The following GLRX5 variants were observed in gnomAD, a reference collection of about 807,000 sequenced individuals.
The protein encoded by GLRX5 is glutaredoxin-related protein 5, mitochondrial.
A neutral mutation model predicts 13.8 loss-of-function variants in GLRX5; 10 were observed. The observed-to-expected ratio is 0.72, with a 90% CI of 0.45 to 1.23. The LOEUF is 1.23. Ranked by LOEUF, GLRX5 falls within the 50% of genes most tolerant of loss-of-function variation. The pLI is 0.00. For missense variants in GLRX5, 233 were observed against 215.2 expected (o/e 1.08, Z -0.52); for synonymous variants, 98 against 101.1 (o/e 0.97, Z 0.18).
In GLRX5 at chr14:95,544,280, G is replaced by A. The variant is rs1244473874; in HGVS notation, c.*155G>A. 2.5e-5 allele frequency: 17 copies of A among 675,790 alleles called. No homozygotes were observed. The East Asian group carries it at 4.6e-4, about 18-fold the overall frequency. The allele number at this position is 675,790 out of a possible 1,614,324, so 41.9% of individuals were successfully genotyped here. ...AGCAGTTGGTGATTTTAGTTGGTCT[G>A]GTGTTCGGGCTAAGAATATTTTATT... is the stretch of plus-strand genomic sequence containing the variant. On this transcript the variant is annotated 3_prime_UTR_variant, in exon 2 of 2. Transcript: ENST00000331334.
At chr14:95,540,963 G>A (rs1891464242) in intron 1 of GLRX5, among the ~76,000 whole-genome samples, 1 of 152,072 alleles carries the variant, frequency 6.6e-6, no homozygotes, top group South Asian at 2.1e-4. Flanking sequence ...GGTTTTTTTG[G>A]TGGAGCATTA....
rs1181871084 is a variant in GLRX5 at position 95,535,059 on chromosome 14, G to C, written c.-31G>C. On this transcript the variant is annotated 5_prime_UTR_variant, in exon 1 of 2. Transcript: ENST00000331334. ...CTCTGGGTGGCCAGCTGTGGGCCCGGGCCGTCGTGGGCTCCGGCTTGCGTG... is the reference window on the plus strand; with the variant it reads ...CTCTGGGTGGCCAGCTGTGGGCCCGCGCCGTCGTGGGCTCCGGCTTGCGTG... 1 of 1,327,622 alleles carries C rather than the reference G, an allele frequency of 7.5e-7. No individual in the cohort carries two copies. 82.2% of individuals were successfully genotyped at this position (1,327,622 alleles called of 1,614,324 possible). A position where few individuals can be genotyped will look rare whatever the true frequency, so the allele number is the denominator to read the frequency against.
At chr14:95,536,375 C>T (rs1387888329) in intron 1 of GLRX5, among the ~76,000 whole-genome samples, 2 of 152,204 alleles carry the variant, frequency 1.3e-5, no homozygotes, top group African/African-American at 2.4e-5. Flanking sequence ...CTTAGGATAC[C>T]TGCATCCCAG....
At chr14:95,540,970 A>G (rs1397289066) in intron 1 of GLRX5, among the ~76,000 whole-genome samples, 2 of 152,224 alleles carry the variant, frequency 1.3e-5, no homozygotes, top group East Asian at 3.8e-4. Flanking sequence ...TTGGTGGAGC[A>G]TTAGATGCGT....
At chr14:95,536,733 C>T (rs980103870) in intron 1 of GLRX5, among the ~76,000 whole-genome samples, 2 of 152,192 alleles carry the variant, frequency 1.3e-5, no homozygotes, top group Admixed American at 6.5e-5. Flanking sequence ...CGTATTAGCA[C>T]TTGATGGTTT....
intron 1 of GLRX5, among the ~76,000 whole-genome samples, chr14:95,541,188 T>C (rs774330341): frequency 5.3e-5 from 8 of 152,264 alleles, no homozygotes; most frequent in Admixed American, 1.3e-4. Flanking sequence ...TCAAGTGATA[T>C]TTGTAAGAAC....
At position 95,535,167 on chromosome 14, in the gene GLRX5, T is replaced by C. The variant is rs1891338284; in HGVS notation, c.78T>C (p.Gly26=). 2 of 1,445,968 alleles carry C rather than the reference T, an allele frequency of 1.4e-6. No individual in the cohort carries two copies. Among genetic ancestry groups the C allele is most frequent in the Admixed American group, 2.5e-5 (1 of 40,672 alleles). 89.6% of individuals were successfully genotyped at this position (1,445,968 alleles called of 1,614,324 possible). The change falls in exon 1 of 2, where the codon GGT becomes GGC. Residue 26 remains glycine (G), a synonymous_variant. Coordinates refer to ENST00000331334, the MANE Select transcript of GLRX5 (RefSeq NM_016417.3). ...GRGAGGGGLW[G]PGVRAAGSGA... is the part of the protein sequence containing the mutation. ...GCGCGGGCGGCGGTGGCCTTTGGGG[T>C]CCGGGCGTGCGGGCGGCGGGCTCGG...
rs1213800490 is a variant in GLRX5, at chr14:95,541,700, TA to T, written c.296-2244del. ...TCAGGACATATGATCAACAGCAACA[TA>T]AAGTTTAATCAATGAGGCAAGCCCA... On this transcript the variant is annotated intron_variant, in intron 1 of 1. Coordinates refer to ENST00000331334, the MANE Select transcript of GLRX5 (RefSeq NM_016417.3). Among the ~76,000 whole-genome samples the T allele has an allele frequency of 6.6e-5, 10 of 152,322 alleles. No individual in the cohort carries two copies. In the South Asian group the frequency reaches 1.7e-3, roughly 25 times the overall value.
chr14:95,542,947 A>C, intron 1 of GLRX5: 1 of 436,190 alleles, frequency 2.3e-6, no homozygotes, highest in Non-Finnish European at 4.7e-6. Context: ...TTGAAGCCAC[A>C]TTTCTTTCTT....
chr14:95,537,827 C>T (rs1566703517), intron 1 of GLRX5, among the ~76,000 whole-genome samples: 1 of 152,168 alleles, frequency 6.6e-6, no homozygotes, highest in African/African-American at 2.4e-5. Context: ...AGACTGTGAC[C>T]CAAGGAACAA....
At chr14:95,535,788 C>T (rs561108987) in intron 1 of GLRX5, among the ~76,000 whole-genome samples, 4 of 152,236 alleles carry the variant, frequency 2.6e-5, no homozygotes, top group Admixed American at 1.3e-4. Flanking sequence ...GGTACTTTCG[C>T]GGACACTTTG....
rs751636390 is a variant in GLRX5, at chr14:95,544,175, C to T, written c.*50C>T. The stretch of plus-strand genomic sequence containing the variant: ...GAGAGGGAGCCGTTCATGTCAGAGA[C>T]TCACTGCCAGAAAAGCCTTACCCAT... On this transcript the variant is annotated 3_prime_UTR_variant, in exon 2 of 2. Transcript: ENST00000331334. 1 of 1,520,018 alleles carries T rather than the reference C, an allele frequency of 6.6e-7. No homozygotes were observed. The highest frequency in any genetic ancestry group is 1.1e-5 in the South Asian group (1 of 87,998). 94.2% of individuals were successfully genotyped at this position (1,520,018 alleles called of 1,614,324 possible).
chr14:95,535,254 G>A lies in GLRX5; in HGVS notation c.165G>A (p.Val55=), dbSNP rs1190283455. The A allele has an allele frequency of 6.4e-7, 1 of 1,571,252 alleles. No individual in the cohort carries two copies. The highest frequency in any genetic ancestry group is 2.3e-5 in the East Asian group (1 of 43,418). ...LDALVKKDKV[V]VFLKGTPEQP... ...CGCTGGTGAAGAAGGACAAGGTGGTGGTCTTCCTCAAGGGGACGCCGGAGC... is the reference window on the plus strand; with the variant it reads ...CGCTGGTGAAGAAGGACAAGGTGGTAGTCTTCCTCAAGGGGACGCCGGAGC... The change falls in exon 1 of 2, where the codon GTG becomes GTA. Residue 55 remains valine, a synonymous_variant. Coordinates refer to ENST00000331334, the MANE Select transcript of GLRX5 (RefSeq NM_016417.3).
rs1487086548 is a variant in GLRX5 at position 95,535,242 on chromosome 14, G to A, written c.153G>A (p.Lys51=). The A allele has an allele frequency of 2.6e-6, 4 of 1,568,500 alleles. No individual in the cohort carries two copies. In the African/African-American group the frequency reaches 4.0e-5, roughly 16 times the overall value. ...SAEQLDALVK[K]DKVVVFLKGT... ...AGCAGTTGGACGCGCTGGTGAAGAAGGACAAGGTGGTGGTCTTCCTCAAGG... is the reference window on the plus strand; with the variant it reads ...AGCAGTTGGACGCGCTGGTGAAGAAAGACAAGGTGGTGGTCTTCCTCAAGG... Residue 51 remains lysine (K), a synonymous_variant, in exon 1 of 2, where the codon AAG becomes AAA. Coordinates refer to ENST00000331334, the MANE Select transcript of GLRX5 (RefSeq NM_016417.3).
chr14:95,535,362 G>A lies in GLRX5; in HGVS notation c.273G>A (p.Leu91=), dbSNP rs1202632631. The change falls in exon 1 of 2, where the codon CTG becomes CTA. Residue 91 remains leucine (L), a synonymous_variant. Transcript: ENST00000331334. ...GVRDYAAYNV[L]DDPELRQGIK... The stretch of plus-strand genomic sequence containing the variant: ...GCGATTACGCGGCCTACAACGTGCT[G>A]GACGACCCGGAGCTCCGACAAGGTC... 6.4e-7 allele frequency: 1 copy of A among 1,551,652 alleles called. No individual in the cohort carries two copies. The highest frequency in any genetic ancestry group is 8.7e-7 in the Non-Finnish European group (1 of 1,147,898).
Position 95,535,185 on chromosome 14 carries a change from G to T in GLRX5, c.96G>T (p.Ala32=). 6.7e-7 allele frequency: 1 copy of T among 1,488,098 alleles called. No homozygotes were observed. The highest frequency in any genetic ancestry group is 2.9e-5 in the East Asian group (1 of 35,030). 92.2% of individuals were successfully genotyped at this position (1,488,098 alleles called of 1,614,324 possible). Residue 32 remains alanine (A), a synonymous_variant, in exon 1 of 2, where the codon GCG becomes GCT. Transcript: ENST00000331334. The stretch of plus-strand genomic sequence containing the variant: ...TTTGGGGTCCGGGCGTGCGGGCGGC[G>T]GGCTCGGGCGCGGGCGGCGGCGGCT... ...GGLWGPGVRA[A]GSGAGGGGSA...
Position 95,535,073 on chromosome 14 carries a change from C to T in GLRX5, c.-17C>T, listed in dbSNP as rs555474190. ...CTGTGGGCCCGGGCCGTCGTGGGCT[C>T]CGGCTTGCGTGCGGAGATGAGCGGG... is the stretch of plus-strand genomic sequence containing the variant. On this transcript the variant is annotated 5_prime_UTR_variant, in exon 1 of 2. Transcript: ENST00000331334. 5.2e-6 allele frequency: 7 copies of T among 1,337,796 alleles called. No homozygotes were observed. In the Admixed American group the frequency reaches 1.4e-4, roughly 27 times the overall value. The allele number at this position is 1,337,796 out of a possible 1,614,324, so 82.9% of individuals were successfully genotyped here.
chr14:95,535,128 C>A lies in GLRX5; in HGVS notation c.39C>A (p.Leu13=). ...GSLGRAAAAL[L]RWGRGAGGGG... ...TCGGCCGAGCTGCGGCGGCTCTGCT[C>A]CGCTGGGGGCGCGGCGCGGGCGGCG... Residue 13 remains leucine, a synonymous_variant, in exon 1 of 2, where the codon CTC becomes CTA. Transcript: ENST00000331334. 8.0e-7 allele frequency: 1 copy of A among 1,244,498 alleles called. No individual in the cohort carries two copies. Among genetic ancestry groups the A allele is most frequent in the Non-Finnish European group, 1.0e-6 (1 of 988,650 alleles). 77.1% of individuals were successfully genotyped at this position (1,244,498 alleles called of 1,614,324 possible).
At chr14:95,543,230 C>T (rs1370175685) in intron 1 of GLRX5, 1 of 455,744 alleles carries the variant, frequency 2.2e-6, no homozygotes, top group Non-Finnish European at 4.4e-6. Context: ...TGCACAGAGC[C>T]TCATCATCCA....
Sources: allele counts gnomAD v4.1 joint callset (sites outside exome capture counted in the v4.1 genomes callset), GRCh38; gene constraint gnomAD v4.1.1; transcripts MANE v1.5; gene names NCBI Gene and HGNC (gene_info 2026-07-23, HGNC 2026-07-21).